LPIN2: variants seen among roughly 807,000 people sequenced by gnomAD.
LPIN2 encodes lipin 2, also known as phosphatidate phosphatase LPIN2.
A neutral mutation model predicts 111.4 loss-of-function variants in LPIN2; 55 were observed. The observed-to-expected ratio is 0.49, with a 90% CI of 0.40 to 0.62. LPIN2 has a LOEUF of 0.62. Ranked by LOEUF, LPIN2 falls within the 20% of genes least tolerant of loss-of-function variation. LPIN2 has a pLI of 0.00. For missense variants in LPIN2, 992 were observed against 1,112.1 expected (o/e 0.89, Z 1.54); for synonymous variants, 425 against 414.0 (o/e 1.03, Z -0.32).
At chr18:2,991,597 A>G (rs576517601) in intron 1 of LPIN2, among the ~76,000 whole-genome samples, 2 of 152,276 alleles carry the variant, frequency 1.3e-5, no homozygotes, top group African/African-American at 4.8e-5. Flanking sequence ...CTATAATCAC[A>G]GCTCCTGAGA....
chr18:2,961,090 AT>A (rs2077705649), intron 1 of LPIN2, among the ~76,000 whole-genome samples: 1 of 152,028 alleles, frequency 6.6e-6, no homozygotes, highest in Non-Finnish European at 1.5e-5. Context: ...GGCCTGAGGC[AT>A]TCCCTTTCCT....
At chr18:2,967,748 C>CA (rs1430949898) in intron 1 of LPIN2, 1 of 152,210 alleles carries the variant, frequency 6.6e-6, no homozygotes, top group Non-Finnish European at 1.5e-5. Context: ...AAGCTGTTCT[C>CA]AGACATTTAA....
intron 4 of LPIN2, chr18:2,946,628 A>C: frequency 1.4e-6 from 1 of 701,890 alleles, no homozygotes; most frequent in Non-Finnish European, 2.6e-6. Flanking sequence ...CAGTCTCCAT[A>C]CCTCAGTTTT....
Position 2,919,972 on chromosome 18 carries a change from G to A in LPIN2, c.*321C>T, listed in dbSNP as rs1051201237. 2.3e-6 allele frequency: 1 copy of A among 425,844 alleles called. No homozygotes were observed. The highest frequency in any genetic ancestry group is 2.0e-5 in the African/African-American group (1 of 49,516). 26.4% of individuals were successfully genotyped at this position (425,844 alleles called of 1,614,324 possible). A position where few individuals can be genotyped will look rare whatever the true frequency, so the allele number is the denominator to read the frequency against. Reference sequence around the variant, plus strand: ...CAGTGTTTTGGTCCACTCTTTTTTAGCTGCTTTTTTCTTCCTTTAAAATGA... The same window carrying A: ...CAGTGTTTTGGTCCACTCTTTTTTAACTGCTTTTTTCTTCCTTTAAAATGA... On this transcript the variant is annotated 3_prime_UTR_variant, in exon 20 of 20. Transcript: ENST00000677752.
intron 4 of LPIN2, chr18:2,946,220 T>C (rs2077449319): frequency 6.3e-7 from 1 of 1,591,912 alleles, no homozygotes; most frequent in Admixed American, 1.7e-5. Context: ...GCTTGGTCTT[T>C]TTATCGCGTC....
intron 1 of LPIN2, among the ~76,000 whole-genome samples, chr18:2,994,733 G>A (rs1390335150): frequency 1.3e-5 from 2 of 152,284 alleles, no homozygotes; most frequent in South Asian, 4.1e-4. Context: ...CCAGATGCCA[G>A]TAGCACCCTC....
chr18:3,012,540 A>G (rs933985617), intron 1 of LPIN2, among the ~76,000 whole-genome samples: 1 of 152,210 alleles, frequency 6.6e-6, no homozygotes, highest in Non-Finnish European at 1.5e-5. Flanking sequence ...CGGTCCACAC[A>G]GCTTGAAGGC....
At position 2,990,748 on chromosome 18, in the gene LPIN2, T is replaced by C. The variant is rs960460544; in HGVS notation, c.-10+22339A>G. The C allele has an allele frequency of 5.5e-5, 19 of 343,284 alleles. No individual in the cohort carries two copies. The Admixed American group carries it at 6.8e-4, about 12-fold the overall frequency. 21.3% of individuals were successfully genotyped at this position (343,284 alleles called of 1,614,324 possible). A position where few individuals can be genotyped will look rare whatever the true frequency, so the allele number is the denominator to read the frequency against. On this transcript the variant is annotated intron_variant, in intron 1 of 19. Coordinates refer to ENST00000677752, the MANE Select transcript of LPIN2 (RefSeq NM_001375808.2). ...GAGACAGAATGTCAAAGATTACTAT[T>C]AGAAATGGATGGAAGAACAGGCTCA...
intron 16 of LPIN2, among the ~76,000 whole-genome samples, chr18:2,923,009 A>T (rs908172526): frequency 6.6e-6 from 1 of 152,228 alleles, no homozygotes; most frequent in Non-Finnish European, 1.5e-5. Context: ...TAATATATGT[A>T]TTAGGAACCC....
chr18:2,941,905 C>CAG, intron 4 of LPIN2, among the ~76,000 whole-genome samples: 1 of 152,282 alleles, frequency 6.6e-6, no homozygotes, highest in East Asian at 1.9e-4. Context: ...GCCTAGGTGA[C>CAG]AGAGAGAGAC....
At chr18:2,926,982 T>A (rs576068595) in intron 12 of LPIN2, among the ~76,000 whole-genome samples, 177 bp from the exon 13 acceptor site, 2 of 152,316 alleles carry the variant, frequency 1.3e-5, no homozygotes, top group South Asian at 4.1e-4. Context: ...AAGACAGAAG[T>A]CATGTGCTTC....
chr18:2,998,898 G>A (rs570670754), intron 1 of LPIN2, among the ~76,000 whole-genome samples: 5 of 152,282 alleles, frequency 3.3e-5, no homozygotes, highest in African/African-American at 9.6e-5. Context: ...CAAACCAAGA[G>A]TGAAAATGAG....
At position 2,926,818 on chromosome 18, in the gene LPIN2, G is replaced by A. The variant is rs757182558; in HGVS notation, c.1711-13C>T. On this transcript the variant is annotated splice_polypyrimidine_tract_variant and intron_variant, in intron 12 of 19. Coordinates refer to ENST00000677752, the MANE Select transcript of LPIN2 (RefSeq NM_001375808.2). ...TGGATTCTGGCAGCTGTAACAGCAAGATGATAATGGCAACATGCAATTTTT... is the reference window on the plus strand; with the variant it reads ...TGGATTCTGGCAGCTGTAACAGCAAAATGATAATGGCAACATGCAATTTTT... The A allele has an allele frequency of 5.0e-6, 8 of 1,609,522 alleles. No individual in the cohort carries two copies. Among genetic ancestry groups the A allele is most frequent in the South Asian group, 1.1e-5 (1 of 90,918 alleles).
intron 4 of LPIN2, among the ~76,000 whole-genome samples, chr18:2,943,379 G>C (rs1186949210): frequency 6.6e-6 from 1 of 151,898 alleles, no homozygotes; most frequent in African/African-American, 2.4e-5. Flanking sequence ...TAAGAAGTAA[G>C]AAAGGAAATA....
rs758835237 is a variant in LPIN2, at chr18:2,946,578, C to A, written c.590+4477G>T. On this transcript the variant is annotated intron_variant, in intron 4 of 19. Transcript: ENST00000677752. The stretch of plus-strand genomic sequence containing the variant: ...ACAGGCAAGGCCCAAACACCGGGAA[C>A]AGCAAGAGGATGCGTTAGCCAATCC... 4 of 1,075,698 alleles carry A rather than the reference C, an allele frequency of 3.7e-6. No homozygotes were observed. In the Admixed American group the frequency reaches 7.0e-5, roughly 19 times the overall value. 66.6% of individuals were successfully genotyped at this position (1,075,698 alleles called of 1,614,324 possible). A position where few individuals can be genotyped will look rare whatever the true frequency, so the allele number is the denominator to read the frequency against.
chr18:2,996,741 T>G (rs953480692), intron 1 of LPIN2, among the ~76,000 whole-genome samples: 4 of 152,068 alleles, frequency 2.6e-5, no homozygotes. Context: ...CCTTCCAAAG[T>G]GCTGGGATTA....
chr18:2,939,463 C>T lies in LPIN2; in HGVS notation c.822+17G>A. On this transcript the variant is annotated intron_variant, in intron 6 of 19. Coordinates refer to ENST00000677752, the MANE Select transcript of LPIN2 (RefSeq NM_001375808.2). Reference sequence around the variant, plus strand: ...TAATCATTAACACACTTTCCACAGGCAAGTAAACCCTAGTACCTTGGTGGA... The same window carrying T: ...TAATCATTAACACACTTTCCACAGGTAAGTAAACCCTAGTACCTTGGTGGA... The T allele has an allele frequency of 1.2e-6, 2 of 1,613,142 alleles. No individual in the cohort carries two copies. The highest frequency in any genetic ancestry group is 1.7e-4 in the Middle Eastern group (1 of 6,050).
rs1568495893 is a variant in LPIN2, at chr18:2,917,832, TGA to T, written c.*2459_*2460del. 5 of 152,066 alleles carry T rather than the reference TGA, an allele frequency of 3.3e-5. No homozygotes were observed. Among genetic ancestry groups the T allele is most frequent in the Admixed American group, 2.6e-4 (4 of 15,254 alleles). The allele number at this position is 152,066 out of a possible 1,614,324, so 9.4% of individuals were successfully genotyped here. Reference sequence around the variant, plus strand: ...AGGGCCATTTCACCAATGGAGTAACTGAGAGAATAATGACTTAGAGCCCAATC... The same window carrying T: ...AGGGCCATTTCACCAATGGAGTAACTGAGAATAATGACTTAGAGCCCAATC... On this transcript the variant is annotated 3_prime_UTR_variant, in exon 20 of 20. Coordinates refer to ENST00000677752, the MANE Select transcript of LPIN2 (RefSeq NM_001375808.2).
At chr18:2,953,691 T>C (rs1381650249) in intron 3 of LPIN2, among the ~76,000 whole-genome samples, 1 of 152,258 alleles carries the variant, frequency 6.6e-6, no homozygotes, top group African/African-American at 2.4e-5. Flanking sequence ...AAAGTAGTCC[T>C]GTATCCTTAA....
Sources: gnomAD v4.1 joint callset for allele counts (sites outside exome capture counted in the v4.1 genomes callset) on GRCh38, gnomAD v4.1.1 for gene constraint, MANE v1.5 for transcripts, NCBI Gene and HGNC (gene_info 2026-07-23, HGNC 2026-07-21) for gene names.